The following GDA variants were observed in gnomAD, a reference collection of about 807,000 sequenced individuals.
GDA encodes cytoplasmic PSD-95 interactor.
GDA carries 18 observed loss-of-function variants against 59.6 expected under a neutral mutation model. That is an observed-to-expected ratio of 0.30 (90% CI 0.21 to 0.45). The LOEUF (loss-of-function observed/expected upper bound fraction) is 0.45, where lower values mean the gene tolerates loss of function less well. Ranked by LOEUF, GDA falls within the 20% of genes least tolerant of loss-of-function variation. The pLI is 1.00. For synonymous variants in GDA, 201 were observed against 201.1 expected (o/e 1.00, Z 0.00); for missense variants, 427 against 552.3 (o/e 0.77, Z 2.27).
intron 1 of GDA, among the ~76,000 whole-genome samples, chr9:72,174,422 G>A (rs1314970197): frequency 6.6e-6 from 1 of 152,182 alleles, no homozygotes; most frequent in East Asian, 1.9e-4. Flanking sequence ...AATCTTCACA[G>A]CTTGTTCATA....
Position 72,149,635 on chromosome 9 carries a change from A to AT in GDA, c.77dup (p.Met26IlefsTer39). ...CGTCCACTCCACCTGGACCTGCCCC[A>AT]TGGAGGTGCTGCGGGATCACCTCCT... On this transcript the variant is annotated frameshift_variant, in exon 1 of 14. Coordinates refer to ENST00000358399, the MANE Select transcript of GDA (RefSeq NM_004293.5). LOFTEE classifies it high-confidence loss of function. 6.2e-7 allele frequency: 1 copy of AT among 1,608,846 alleles called. No homozygotes were observed. The highest frequency in any genetic ancestry group is 8.5e-7 in the Non-Finnish European group (1 of 1,178,156).
intron 3 of GDA, among the ~76,000 whole-genome samples, chr9:72,206,803 C>G (rs1484596324): frequency 6.6e-6 from 1 of 152,056 alleles, no homozygotes; most frequent in Non-Finnish European, 1.5e-5. Flanking sequence ...TATAATTTAA[C>G]AATGAGCTTT....
chr9:72,255,531 G>C (rs1046621593), downstream of GDA, among the ~76,000 whole-genome samples: 2 of 152,114 alleles, frequency 1.3e-5, no homozygotes, highest in African/African-American at 4.8e-5. Flanking sequence ...ACCTCAAAAG[G>C]TTACTCAAAA....
chr9:72,225,657 ATAT>A lies in GDA; in HGVS notation c.715-15_715-13del. The A allele has an allele frequency of 8.9e-7, 1 of 1,118,244 alleles. No homozygotes were observed. The highest frequency in any genetic ancestry group is 1.3e-6 in the Non-Finnish European group (1 of 754,438). 69.3% of individuals were successfully genotyped at this position (1,118,244 alleles called of 1,614,324 possible). ...GGTATTTTACAGAAGAAAAATGAAAATATTATTTTTTTCTTGTAGAGCCATATA... is the reference window on the plus strand; with the variant it reads ...GGTATTTTACAGAAGAAAAATGAAAATATTTTTTTCTTGTAGAGCCATATA... On this transcript the variant is annotated splice_polypyrimidine_tract_variant and intron_variant, in intron 7 of 13. Coordinates refer to ENST00000358399, the MANE Select transcript of GDA (RefSeq NM_004293.5).
intron 1 of GDA, among the ~76,000 whole-genome samples, chr9:72,188,944 T>A (rs182287225): frequency 1.1e-3 from 92 of 82,264 alleles, no homozygotes; most frequent in African/African-American, 3.3e-3. Flanking sequence ...GCTTAAAGTG[T>A]TTTTTCCCAT....
chr9:72,143,076 C>A (rs756391802), intron 1 of GDA, among the ~76,000 whole-genome samples: 5 of 149,518 alleles, frequency 3.3e-5, no homozygotes, highest in Admixed American at 2.0e-4. Flanking sequence ...GCTAGAATAC[C>A]TTTATAATCC....
chr9:72,254,357 T>C (rs1255297091), downstream of GDA, among the ~76,000 whole-genome samples: 2 of 152,168 alleles, frequency 1.3e-5, no homozygotes, highest in African/African-American at 4.8e-5. Context: ...TAAAAGCATT[T>C]TCTCTGTAGC....
At chr9:72,232,729 A>C (rs185965377) in intron 10 of GDA, among the ~76,000 whole-genome samples, 14 of 152,332 alleles carry the variant, frequency 9.2e-5, no homozygotes, top group African/African-American at 3.4e-4. Flanking sequence ...ATGGTCTATA[A>C]AGTTCAAGTT....
At chr9:72,232,482 C>G (rs944006459) in intron 10 of GDA, among the ~76,000 whole-genome samples, 1 of 152,070 alleles carries the variant, frequency 6.6e-6, no homozygotes, top group African/African-American at 2.4e-5. Context: ...GATAATTCTA[C>G]ATAAAGTCAC....
At chr9:72,244,133 C>T (rs997466529) in intron 11 of GDA, among the ~76,000 whole-genome samples, 13 of 150,686 alleles carry the variant, frequency 8.6e-5, no homozygotes, top group African/African-American at 2.4e-4. Flanking sequence ...GCTGAAATTG[C>T]GCCACTGCAC....
At chr9:72,182,033 C>T (rs1287897946) in intron 1 of GDA, among the ~76,000 whole-genome samples, 5 of 152,152 alleles carry the variant, frequency 3.3e-5, no homozygotes, top group African/African-American at 7.2e-5. Flanking sequence ...TGCACGCACA[C>T]ACACACATTT....
At chr9:72,242,248 A>G (rs1839695997) in intron 11 of GDA, among the ~76,000 whole-genome samples, 1 of 152,222 alleles carries the variant, frequency 6.6e-6, no homozygotes, top group Non-Finnish European at 1.5e-5. Flanking sequence ...CATTTGGTTC[A>G]TATACTTAAG....
At chr9:72,174,556 GT>G (rs1400575198) in intron 1 of GDA, among the ~76,000 whole-genome samples, 6 of 152,108 alleles carry the variant, frequency 3.9e-5, no homozygotes, top group African/African-American at 4.8e-5. Flanking sequence ...TGGAACCACT[GT>G]CATATTTTGA....
chr9:72,214,267 A>T (rs191826682), intron 5 of GDA, among the ~76,000 whole-genome samples: 1 of 151,242 alleles, frequency 6.6e-6, no homozygotes. Context: ...CTTTTTATTT[A>T]TTTTTTATTT....
At position 72,225,782 on chromosome 9, in the gene GDA, A is replaced by C; in HGVS notation, c.820A>C (p.Lys274Gln). 8.2e-7 allele frequency: 1 copy of C among 1,222,346 alleles called. No homozygotes were observed. Among genetic ancestry groups the C allele is most frequent in the Non-Finnish European group, 1.2e-6 (1 of 841,280 alleles). 75.7% of individuals were successfully genotyped at this position (1,222,346 alleles called of 1,614,324 possible). A position where few individuals can be genotyped will look rare whatever the true frequency, so the allele number is the denominator to read the frequency against. Residue 274 changes from lysine to glutamine, a missense_variant and splice_region_variant, in exon 8 of 14, where the codon AAG (lysine) becomes CAG (glutamine). By Grantham distance (53) the Lys-to-Gln change is moderately conservative (BLOSUM62 1). Transcript: ENST00000358399. The part of the protein sequence containing the change: ...VYDKNNLLTN[K>Q]TVMAHGCYLS... ...TGATAAAAACAATCTTTTGACAAAT[A>C]AGGTAAGTTTTATATCATGACATAA...
At chr9:72,194,565 G>A (rs1564009408) in intron 1 of GDA, among the ~76,000 whole-genome samples, 1 of 152,034 alleles carries the variant, frequency 6.6e-6, no homozygotes, top group Non-Finnish European at 1.5e-5. Context: ...CATGAGCTGT[G>A]TGGCCTGGAG....
chr9:72,201,690 T>G (rs769590591), intron 2 of GDA, among the ~76,000 whole-genome samples: 1 of 152,166 alleles, frequency 6.6e-6, no homozygotes, highest in Non-Finnish European at 1.5e-5. Context: ...TTGGCAAATA[T>G]CTGTTTGGAT....
rs187900250 is a variant in GDA at position 72,168,893 on chromosome 9, G to T, written c.123+19211G>T. 6.6e-5 allele frequency among the ~76,000 whole-genome samples: 10 copies of T among 152,180 alleles called. No individual in the cohort carries two copies. In the East Asian group the frequency reaches 1.7e-3, roughly 26 times the overall value. ...TAGAGTTATGATTTATAATCCACAT[G>T]GTCTGACTTTACATTTAACAGCTCT... On this transcript the variant is annotated intron_variant, in intron 1 of 13. Coordinates refer to ENST00000358399, the MANE Select transcript of GDA (RefSeq NM_004293.5).
chr9:72,206,218 G>C (rs1438101842), intron 3 of GDA, among the ~76,000 whole-genome samples: 1 of 151,986 alleles, frequency 6.6e-6, no homozygotes, highest in Non-Finnish European at 1.5e-5. Context: ...CTATCTCTAT[G>C]AGATGAAGTT....
Sources: allele counts gnomAD v4.1 joint callset (sites outside exome capture counted in the v4.1 genomes callset), GRCh38; gene constraint gnomAD v4.1.1; transcripts MANE v1.5; gene names NCBI Gene and HGNC (gene_info 2026-07-23, HGNC 2026-07-21).